CAVIN1: variants seen among roughly 807,000 people sequenced by gnomAD.
CAVIN1 encodes caveolae associated protein 1, also known as caveolae-associated protein 1.
In CAVIN1, 16 loss-of-function variants were observed where a neutral mutation model predicts 24.0. The observed-to-expected ratio is 0.67, with a 90% CI of 0.45 to 1.01. CAVIN1 has a LOEUF of 1.01. Among genes scored for constraint, CAVIN1 ranks in the 50% least tolerant of loss-of-function variants. The pLI is 0.00. For missense variants in CAVIN1, 510 were observed against 551.7 expected (o/e 0.92, Z 0.76); for synonymous variants, 256 against 256.4 (o/e 1.00, Z 0.02).
chr17:42,415,641 A>G (rs6503701), intron 1 of CAVIN1, among the ~76,000 whole-genome samples: 146,009 of 152,114 alleles, frequency 0.96, 70,367 homozygotes, highest in East Asian at 1. Context: ...AGCCCGGACG[A>G]CAGGGGCTGC....
At chr17:42,410,592 G>C (rs4365333) in intron 1 of CAVIN1, among the ~76,000 whole-genome samples, 22,731 of 152,006 alleles carry the variant, frequency 0.15, 1,940 homozygotes, top group East Asian at 0.37. Flanking sequence ...TTAACATTTC[G>C]TGAGGGAGAT....
chr17:42,418,770 A>G (rs1221401513), intron 1 of CAVIN1, among the ~76,000 whole-genome samples: 1 of 152,210 alleles, frequency 6.6e-6, no homozygotes, highest in African/African-American at 2.4e-5. Context: ...GATATGACGG[A>G]TACTCTAATT....
At chr17:42,418,333 G>C (rs1407670808) in intron 1 of CAVIN1, among the ~76,000 whole-genome samples, 1 of 150,398 alleles carries the variant, frequency 6.6e-6, no homozygotes, top group Non-Finnish European at 1.5e-5. Flanking sequence ...CTGGGTTCAA[G>C]TGATTCTCCT....
chr17:42,407,771 G>A (rs1314161880), intron 1 of CAVIN1, among the ~76,000 whole-genome samples: 1 of 152,128 alleles, frequency 6.6e-6, no homozygotes, highest in Non-Finnish European at 1.5e-5. Context: ...CAATCCTAGG[G>A]CATTTTGTTT....
intron 1 of CAVIN1, chr17:42,411,296 T>C (rs2085476872): frequency 3.3e-6 from 1 of 300,162 alleles, no homozygotes; most frequent in Non-Finnish European, 4.9e-6. Flanking sequence ...CTCACATCTG[T>C]AATCCCAGCA....
In CAVIN1 at chr17:42,405,143, C is replaced by G. The variant is rs576949427; in HGVS notation, c.717G>C (p.Glu239Asp). Reference sequence around the variant, plus strand: ...TACGCACCTTGGTCTTCTCCATCTTCTCCTTGGAGAAGGCCTTCTTGAAGT... The same window carrying G: ...TACGCACCTTGGTCTTCTCCATCTTGTCCTTGGAGAAGGCCTTCTTGAAGT... ...VDDFKKAFSK[E>D]KMEKTKVRTR... Residue 239 changes from glutamate (E) to aspartate (D), a missense_variant, in exon 2 of 2, where the codon GAG (glutamate) becomes GAC (aspartate). Coordinates refer to ENST00000357037, the MANE Select transcript of CAVIN1 (RefSeq NM_012232.6). The G allele has an allele frequency of 1.9e-6, 3 of 1,614,100 alleles. No homozygotes were observed. The highest frequency in any genetic ancestry group is 2.5e-6 in the Non-Finnish European group (3 of 1,180,016).
At chr17:42,419,305 G>GTTA (rs143185919) in intron 1 of CAVIN1, among the ~76,000 whole-genome samples, 35,917 of 150,064 alleles carry the variant, frequency 0.24, 4,527 homozygotes, top group South Asian at 0.4. Context: ...ATTTATTGTT[G>GTTA]TTATTATTAT....
chr17:42,420,894 T>C (rs182319650), intron 1 of CAVIN1, among the ~76,000 whole-genome samples: 4 of 152,264 alleles, frequency 2.6e-5, no homozygotes, highest in East Asian at 1.9e-4. Context: ...GGAGGAAATA[T>C]AGAGCTGGCT....
In CAVIN1 at chr17:42,404,824, C is replaced by T. The variant is rs769110133; in HGVS notation, c.1036G>A (p.Ala346Thr). Residue 346 changes from alanine to threonine, a missense_variant, in exon 2 of 2, where the codon GCC becomes ACC. By Grantham distance (58) the Ala-to-Thr change is moderately conservative (BLOSUM62 0). Transcript: ENST00000357037. ...TCCGCGCCGCCCTCGTCGTCGTCGGCGCCCACCTCCACCATCTCGGTGGCC... is the reference window on the plus strand; with the variant it reads ...TCCGCGCCGCCCTCGTCGTCGTCGGTGCCCACCTCCACCATCTCGGTGGCC... The part of the protein sequence containing the change: ...LKATEMVEVG[A>T]DDDEGGAERG... The T allele has an allele frequency of 2.5e-6, 4 of 1,613,028 alleles. No homozygotes were observed. The highest frequency in any genetic ancestry group is 2.2e-5 in the East Asian group (1 of 44,842).
intron 1 of CAVIN1, chr17:42,411,321 G>T: frequency 2.2e-6 from 1 of 451,052 alleles, no homozygotes; most frequent in Non-Finnish European, 2.9e-6. Flanking sequence ...GGGAAGCTGA[G>T]GTGGGAGGAT....
chr17:42,422,802 G>A lies in CAVIN1; in HGVS notation c.296C>T (p.Ala99Val). 6.2e-7 allele frequency: 1 copy of A among 1,613,740 alleles called. No homozygotes were observed. Among genetic ancestry groups the A allele is most frequent in the South Asian group, 1.1e-5 (1 of 91,034 alleles). ...CACCGTATTGCTCGTGGTGGCGTGC[G>A]CCTTGCCCAGCTTGCTCAGCTCGCC... ...IQGELSKLGKAHATTSNTVSK... is the reference protein window; with the variant it reads ...IQGELSKLGKVHATTSNTVSK... The change falls in exon 1 of 2, where the codon GCG becomes GTG. Residue 99 changes from alanine to valine, a missense_variant. Ala to Val is a moderately conservative substitution (Grantham distance 64). Coordinates refer to ENST00000357037, the MANE Select transcript of CAVIN1 (RefSeq NM_012232.6).
intron 1 of CAVIN1, among the ~76,000 whole-genome samples, chr17:42,417,421 T>C (rs12938957): frequency 0.16 from 23,389 of 144,424 alleles, 2,368 homozygotes; most frequent in South Asian, 0.26. Flanking sequence ...ATTGTGCCAC[T>C]GCACTCTAGC....
In CAVIN1 at chr17:42,412,061, C is replaced by T. The variant is rs552392915; in HGVS notation, c.472-6673G>A. On this transcript the variant is annotated intron_variant, in intron 1 of 1. Coordinates refer to ENST00000357037, the MANE Select transcript of CAVIN1 (RefSeq NM_012232.6). ...GGGAGACCCTAAACACTCCCACCGG[C>T]TGTCAGCTCCTCTGGGGTGGGCCGG... 3.0e-6 allele frequency: 3 copies of T among 985,392 alleles called. No homozygotes were observed. In the South Asian group the frequency reaches 1.4e-4, roughly 46 times the overall value. The allele number at this position is 985,392 out of a possible 1,614,324, so 61.0% of individuals were successfully genotyped here.
intron 1 of CAVIN1, among the ~76,000 whole-genome samples, chr17:42,407,955 T>C (rs1477647155): frequency 6.6e-6 from 1 of 152,104 alleles, no homozygotes; most frequent in East Asian, 1.9e-4. Flanking sequence ...TTAAGACTTA[T>C]ACATCATTGT....
Position 42,405,106 on chromosome 17 carries a change from G to A in CAVIN1, c.754C>T (p.Leu252=), listed in dbSNP as rs2085434879. Residue 252 remains leucine (L), a synonymous_variant, in exon 2 of 2, where the codon CTG becomes TTG. Transcript: ENST00000357037. The part of the protein sequence containing the change: ...EKTKVRTREN[L]EKTRLKTKEN... ...TTGGTCTTGAGGCGCGTCTTCTCCAGGTTCTCGCGGGTACGCACCTTGGTC... is the reference window on the plus strand; with the variant it reads ...TTGGTCTTGAGGCGCGTCTTCTCCAAGTTCTCGCGGGTACGCACCTTGGTC... 6.2e-7 allele frequency: 1 copy of A among 1,613,820 alleles called. No individual in the cohort carries two copies. The highest frequency in any genetic ancestry group is 1.3e-5 in the African/African-American group (1 of 74,864).
At chr17:42,407,798 T>G (rs2085454359) in intron 1 of CAVIN1, among the ~76,000 whole-genome samples, 1 of 152,196 alleles carries the variant, frequency 6.6e-6, no homozygotes, top group South Asian at 2.1e-4. Flanking sequence ...CTGCCTCTTA[T>G]CATTCACTGA....
intron 1 of CAVIN1, among the ~76,000 whole-genome samples, chr17:42,421,283 G>A (rs927078791): frequency 6.6e-6 from 1 of 152,050 alleles, no homozygotes; most frequent in Non-Finnish European, 1.5e-5. Flanking sequence ...ACCAAGCCAA[G>A]GACCCCCTCG....
chr17:42,413,210 G>A (rs2085490689), intron 1 of CAVIN1, among the ~76,000 whole-genome samples: 1 of 152,038 alleles, frequency 6.6e-6, no homozygotes, highest in Admixed American at 6.6e-5. Flanking sequence ...TGGGATTACA[G>A]GCATGAGCCA....
chr17:42,411,372 A>G (rs1273678651), intron 1 of CAVIN1: 3 of 918,240 alleles, frequency 3.3e-6, no homozygotes, highest in African/African-American at 3.6e-5. Flanking sequence ...TGGGCAACAC[A>G]GTCCAACCCC....
Sources: allele counts gnomAD v4.1 joint callset (sites outside exome capture counted in the v4.1 genomes callset), GRCh38; gene constraint gnomAD v4.1.1; transcripts MANE v1.5; gene names NCBI Gene and HGNC (gene_info 2026-07-23, HGNC 2026-07-21).